The following CEP128 variants were observed in gnomAD, a reference collection of about 807,000 sequenced individuals.
CEP128 encodes centrosomal protein 128, also known as centrosomal protein 128kDa.
A neutral mutation model predicts 156.7 loss-of-function variants in CEP128; 132 were observed. The observed-to-expected ratio is 0.84, with a 90% confidence interval of 0.73 to 0.97. CEP128 has a LOEUF of 0.97. Ranked by LOEUF, CEP128 falls within the 50% of genes least tolerant of loss-of-function variation. The probability of loss-of-function intolerance (pLI) is 0.00; values close to 1 mark genes in which losing one functional copy is unlikely to be tolerated. For synonymous variants in CEP128, 469 were observed against 448.9 expected, an observed-to-expected ratio of 1.04 and a Z score of -0.57; for missense variants, 1,252 against 1,281.9, an observed-to-expected ratio of 0.98 and a Z score of 0.36.
intron 23 of CEP128, among the ~76,000 whole-genome samples, chr14:80,524,527 C>T (rs1888891863): frequency 6.6e-6 from 1 of 152,172 alleles, no homozygotes; most frequent in South Asian, 2.1e-4. Flanking sequence ...TTTAAGCTCA[C>T]TCTTCTTTTA....
At chr14:80,833,954 G>A (rs1233045794) in intron 12 of CEP128, among the ~76,000 whole-genome samples, 1 of 152,080 alleles carries the variant, frequency 6.6e-6, no homozygotes, top group Non-Finnish European at 1.5e-5. Context: ...CACTGAGACA[G>A]GAAAGAAAAA....
intron 13 of CEP128, among the ~76,000 whole-genome samples, chr14:80,814,675 T>C (rs1363293535): frequency 6.6e-6 from 1 of 152,174 alleles, no homozygotes. Context: ...AAAATTCTTC[T>C]GGGCGTTGGT....
At chr14:80,785,659 ATC>A in intron 14 of CEP128, 114 bp from the exon 15 acceptor site, 2 of 742,624 alleles carry the variant, frequency 2.7e-6, no homozygotes, top group Non-Finnish European at 4.1e-6. Context: ...AAAAAAATTC[ATC>A]AAATAATTTT....
chr14:80,536,105 GTAGTTCCT>G (rs989488994), intron 21 of CEP128, among the ~76,000 whole-genome samples: 5 of 152,084 alleles, frequency 3.3e-5, no homozygotes, highest in African/African-American at 9.7e-5. Context: ...TTTTTCCTTA[GTAGTTCCT>G]TTATTTCTGA....
At chr14:80,614,802 T>C (rs948358035) in intron 19 of CEP128, among the ~76,000 whole-genome samples, 5 of 152,216 alleles carry the variant, frequency 3.3e-5, no homozygotes, top group African/African-American at 7.2e-5. Context: ...AATCTGCTCA[T>C]GTAATAGCAT....
At chr14:80,789,449 A>T (rs1262687682) in intron 14 of CEP128, among the ~76,000 whole-genome samples, 1 of 152,184 alleles carries the variant, frequency 6.6e-6, no homozygotes, top group Non-Finnish European at 1.5e-5. Context: ...ATAAAATAAG[A>T]CATTAGTGAA....
At chr14:80,840,550 A>G (rs1297187879) in intron 10 of CEP128, 132 bp downstream of exon 10, 3 of 566,830 alleles carry the variant, frequency 5.3e-6, no homozygotes, top group Admixed American at 6.8e-5. Flanking sequence ...CGTTGAACCA[A>G]TTGACTCCAC....
At chr14:80,943,699 T>G (rs117263992), upstream of CEP128, among the ~76,000 whole-genome samples, 1,235 of 152,214 alleles carry the variant, frequency 8.1e-3, 10 homozygotes, top group Non-Finnish European at 0.01. Context: ...CCCAAAAAAA[T>G]GTAGTGAAGT....
chr14:80,588,387 C>T (rs1641672712), intron 19 of CEP128, among the ~76,000 whole-genome samples: 1 of 151,986 alleles, frequency 6.6e-6, no homozygotes, highest in African/African-American at 2.4e-5. Context: ...TAAATAGAGA[C>T]ATTTTATTTC....
intron 13 of CEP128, among the ~76,000 whole-genome samples, chr14:80,809,275 G>C (rs547312452): frequency 6.6e-6 from 1 of 152,038 alleles, no homozygotes; most frequent in South Asian, 2.1e-4. Flanking sequence ...AAGCTGAAGA[G>C]AGAATCTCAG....
intron 19 of CEP128, among the ~76,000 whole-genome samples, chr14:80,638,554 A>C (rs1894284396): frequency 6.6e-6 from 1 of 152,134 alleles, no homozygotes; most frequent in Non-Finnish European, 1.5e-5. Flanking sequence ...CTGACCCCTC[A>C]TCCCTCTACT....
intron 2 of CEP128, among the ~76,000 whole-genome samples, chr14:80,922,779 C>T (rs1566717955): frequency 6.6e-6 from 1 of 152,054 alleles, no homozygotes; most frequent in Non-Finnish European, 1.5e-5. Flanking sequence ...GAAATTTCAG[C>T]ATGACACATT....
intron 19 of CEP128, among the ~76,000 whole-genome samples, chr14:80,619,904 C>T (rs1893406046): frequency 6.6e-6 from 1 of 151,968 alleles, no homozygotes; most frequent in African/African-American, 2.4e-5. Context: ...GCGTGTGGAT[C>T]ACCTGAGGTC....
intron 8 of CEP128, among the ~76,000 whole-genome samples, chr14:80,872,087 G>C (rs903333130): frequency 2.6e-5 from 4 of 151,940 alleles, no homozygotes; most frequent in Non-Finnish European, 5.9e-5. Flanking sequence ...GAAACAGCTG[G>C]ATCCATGTTT....
intron 9 of CEP128, among the ~76,000 whole-genome samples, chr14:80,847,218 G>A (rs1048941538): frequency 6.6e-6 from 1 of 152,100 alleles, no homozygotes; most frequent in Non-Finnish European, 1.5e-5. Context: ...TCAAGAAAAA[G>A]ACTAAAGAAG....
At chr14:80,526,758 T>C in intron 23 of CEP128, 111 bp downstream of exon 23, 1 of 553,032 alleles carries the variant, frequency 1.8e-6, no homozygotes, top group Non-Finnish European at 3.2e-6. Flanking sequence ...TCAAGGAAAA[T>C]ATTTTCTTTC....
intron 9 of CEP128, among the ~76,000 whole-genome samples, chr14:80,859,457 T>G: frequency 6.8e-6 from 1 of 147,612 alleles, no homozygotes; most frequent in African/African-American, 2.5e-5. Context: ...AGATGACGAG[T>G]TAGTGGGTGC....
At chr14:80,874,908 G>A (rs1341628989) in intron 8 of CEP128, among the ~76,000 whole-genome samples, 2 of 152,310 alleles carry the variant, frequency 1.3e-5, no homozygotes, top group Non-Finnish European at 2.9e-5. Flanking sequence ...GTGAGCCACC[G>A]CGCCTGGCCA....
At chr14:80,543,673 C>T (rs1427335011) in intron 21 of CEP128, among the ~76,000 whole-genome samples, 1 of 152,188 alleles carries the variant, frequency 6.6e-6, no homozygotes, top group African/African-American at 2.4e-5. Flanking sequence ...CAACCAATTG[C>T]TTTCTTGAAA....
Sources: allele counts gnomAD v4.1 joint callset (sites outside exome capture counted in the v4.1 genomes callset), GRCh38; gene constraint gnomAD v4.1.1; transcripts MANE v1.5; gene names NCBI Gene and HGNC (gene_info 2026-07-23, HGNC 2026-07-21).